Variants in PCBP3 observed in about 807,000 individuals in gnomAD.
PCBP3 encodes the protein poly(rC) binding protein 3, also known as poly(rC)-binding protein 3.
PCBP3 carries 25 observed loss-of-function variants against 52.7 expected under a neutral mutation model. The ratio of observed to expected loss-of-function variants is 0.47; its 90% CI spans 0.35 to 0.66. The LOEUF (loss-of-function observed/expected upper bound fraction) is 0.66. Among genes scored for constraint, PCBP3 ranks in the 30% least tolerant of loss-of-function variants. The pLI is 0.01. For synonymous variants in PCBP3, 162 were observed against 183.0 expected (o/e 0.89, Z 0.93); for missense variants, 391 against 490.3 (o/e 0.80, Z 1.91).
At chr21:45,708,101 T>C in intron 2 of PCBP3, among the ~76,000 whole-genome samples, 1 of 152,228 alleles carries the variant, frequency 6.6e-6, no homozygotes, top group East Asian at 1.9e-4. Flanking sequence ...TGACTCAGCA[T>C]ACCCTACTTC....
chr21:45,728,354 G>T (rs2085210558), intron 2 of PCBP3, among the ~76,000 whole-genome samples: 1 of 152,054 alleles, frequency 6.6e-6, no homozygotes, highest in African/African-American at 2.4e-5. Context: ...ATCATATGGT[G>T]TTTCTTTTTT....
intron 3 of PCBP3, among the ~76,000 whole-genome samples, chr21:45,744,904 A>G (rs2086714703): frequency 6.6e-6 from 1 of 152,112 alleles, no homozygotes; most frequent in Non-Finnish European, 1.5e-5. Flanking sequence ...TTAAGTTTCT[A>G]CTTTTTAAGT....
intron 4 of PCBP3, among the ~76,000 whole-genome samples, chr21:45,824,590 T>G (rs1471468912): frequency 6.6e-6 from 1 of 152,252 alleles, no homozygotes; most frequent in Non-Finnish European, 1.5e-5. Flanking sequence ...CGGTGAGCTC[T>G]CAGCCCTCCC....
intron 5 of PCBP3, among the ~76,000 whole-genome samples, chr21:45,857,192 C>T (rs1438654276): frequency 1.3e-5 from 2 of 152,146 alleles, no homozygotes; most frequent in Non-Finnish European, 2.9e-5. Context: ...CCACAAAGGA[C>T]GGCTTTGTAG....
chr21:45,857,556 C>T (rs1274705545), intron 5 of PCBP3, among the ~76,000 whole-genome samples: 1 of 152,136 alleles, frequency 6.6e-6, no homozygotes, highest in Non-Finnish European at 1.5e-5. Flanking sequence ...CAGCCTAATA[C>T]ACCACCTATA....
chr21:45,920,368 T>G (rs1212857331), intron 13 of PCBP3, among the ~76,000 whole-genome samples: 1 of 152,224 alleles, frequency 6.6e-6, no homozygotes, highest in East Asian at 1.9e-4. Flanking sequence ...TGATTGGCTT[T>G]TACTTCGATT....
chr21:45,787,319 A>G (rs1311298168), intron 4 of PCBP3, among the ~76,000 whole-genome samples: 2 of 151,946 alleles, frequency 1.3e-5, no homozygotes, highest in Admixed American at 6.6e-5. Context: ...ATCATAGCTC[A>G]CTGCATCCTC....
rs1339629399 is a variant in PCBP3, at chr21:45,837,361, T to A, written c.-125-12600T>A. On this transcript the variant is annotated intron_variant, in intron 4 of 17. Transcript: ENST00000681687. The surrounding 1 kb of genome is among the most constrained non-coding windows in gnomAD (Gnocchi z 4.1). ...TGTGCCTCCAGCGGAAATGATGTTA[T>A]GTGACATCTGTGTGCAAGCCACAGG... 2.6e-5 allele frequency among the ~76,000 whole-genome samples: 4 copies of A among 152,254 alleles called. No individual in the cohort carries two copies. Among genetic ancestry groups the A allele is most frequent in the African/African-American group, 9.6e-5 (4 of 41,470 alleles).
rs1374379111 is a variant in PCBP3, at chr21:45,660,293, T to A, written c.-278-8581T>A. Reference sequence around the variant, plus strand: ...CTGATGTTAATATAGCCATTCAAGCTCTCCTTTGGTTACTGTTTGCATTGT... The same window carrying A: ...CTGATGTTAATATAGCCATTCAAGCACTCCTTTGGTTACTGTTTGCATTGT... On this transcript the variant is annotated intron_variant, in intron 1 of 17. Coordinates refer to ENST00000681687, the MANE Select transcript of PCBP3 (RefSeq NM_001384156.1). 4.6e-5 allele frequency among the ~76,000 whole-genome samples: 7 copies of A among 152,258 alleles called. No individual in the cohort carries two copies. In the East Asian group the frequency reaches 1.3e-3, roughly 29 times the overall value.
At chr21:45,715,070 A>C (rs2084119189) in intron 2 of PCBP3, among the ~76,000 whole-genome samples, 1 of 152,236 alleles carries the variant, frequency 6.6e-6, no homozygotes. Flanking sequence ...AAAATGGATA[A>C]ATCTCAGTAA....
chr21:45,692,954 C>T (rs1372557058), intron 2 of PCBP3, among the ~76,000 whole-genome samples: 2 of 152,022 alleles, frequency 1.3e-5, no homozygotes, highest in African/African-American at 2.4e-5. Context: ...ATAGCAAGAA[C>T]GCGAGGTTGG....
intron 4 of PCBP3, among the ~76,000 whole-genome samples, chr21:45,842,024 G>T (rs866239536): frequency 6.6e-6 from 1 of 152,174 alleles, no homozygotes; most frequent in South Asian, 2.1e-4. Flanking sequence ...TCTTTCTCTA[G>T]CACTTTCAAT....
intron 4 of PCBP3, among the ~76,000 whole-genome samples, chr21:45,783,948 G>T (rs2090844855): frequency 6.6e-6 from 1 of 152,174 alleles, no homozygotes; most frequent in Non-Finnish European, 1.5e-5. Flanking sequence ...AAAGAACTCA[G>T]ACTCACTGAA....
intron 4 of PCBP3, chr21:45,761,433 T>C (rs2088647424): frequency 6.6e-6 from 1 of 152,240 alleles, no homozygotes; most frequent in East Asian, 1.9e-4. Flanking sequence ...ATTTTACTCC[T>C]AGGTTCACAT....
intron 16 of PCBP3, among the ~76,000 whole-genome samples, chr21:45,938,227 CG>C (rs2077082922): frequency 6.6e-6 from 1 of 152,250 alleles, no homozygotes; most frequent in African/African-American, 2.4e-5. Flanking sequence ...CAAGGCTTTC[CG>C]TGCTGTGCGC....
chr21:45,686,879 C>G (rs2082185776), intron 2 of PCBP3, among the ~76,000 whole-genome samples: 1 of 152,030 alleles, frequency 6.6e-6, no homozygotes, highest in Non-Finnish European at 1.5e-5. Context: ...CTTCAGTGAC[C>G]TGTGGAACAG....
In PCBP3 at chr21:45,678,169, G is replaced by T. The variant is rs1387826730; in HGVS notation, c.-200+9217G>T. 2.0e-5 allele frequency among the ~76,000 whole-genome samples: 3 copies of T among 151,876 alleles called. No homozygotes were observed. The South Asian group carries it at 6.2e-4, about 32-fold the overall frequency. The stretch of plus-strand genomic sequence containing the variant: ...AGCCTGGCTAACACGGTGAAACCCC[G>T]TCTCTACTAAAAATACAAAAAAATT... On this transcript the variant is annotated intron_variant, in intron 2 of 17. Coordinates refer to ENST00000681687, the MANE Select transcript of PCBP3 (RefSeq NM_001384156.1).
chr21:45,770,058 G>A (rs1247328794), intron 4 of PCBP3, among the ~76,000 whole-genome samples: 2 of 152,194 alleles, frequency 1.3e-5, no homozygotes, highest in South Asian at 2.1e-4. Flanking sequence ...GGTGAACGCC[G>A]GGGGGTTGGC....
At chr21:45,840,100 T>TTG (rs759444385) in intron 4 of PCBP3, among the ~76,000 whole-genome samples, 3 of 152,082 alleles carry the variant, frequency 2.0e-5, no homozygotes, top group Non-Finnish European at 2.9e-5. Context: ...GCTGTACAAT[T>TTG]TGTGTGTGTG....
Sources: allele counts gnomAD v4.1 joint callset (sites outside exome capture counted in the v4.1 genomes callset), GRCh38; gene constraint gnomAD v4.1.1; non-coding constraint Gnocchi (gnomAD v3.1); transcripts MANE v1.5; gene names NCBI Gene and HGNC (gene_info 2026-07-23, HGNC 2026-07-21).